Variants in GRID2 observed in about 807,000 individuals in gnomAD.
GRID2 encodes glutamate receptor ionotropic, delta-2.
In GRID2, 33 loss-of-function variants were observed where a neutral mutation model predicts 114.8. That is an observed-to-expected ratio of 0.29 (90% CI 0.22 to 0.38). GRID2 has a LOEUF of 0.38. Ranked by LOEUF, GRID2 falls within the 10% of genes least tolerant of loss-of-function variation. The pLI is 1.00. For synonymous variants in GRID2, 505 were observed against 449.9 expected, an observed-to-expected ratio of 1.12 and a Z score of -1.55; for missense variants, 1,184 against 1,257.7, an observed-to-expected ratio of 0.94 and a Z score of 0.89.
At chr4:93,221,998 G>C (rs117506019) in intron 6 of GRID2, among the ~76,000 whole-genome samples, 1 of 152,146 alleles carries the variant, frequency 6.6e-6, no homozygotes, top group South Asian at 2.1e-4. Context: ...CAGATTTTTC[G>C]TGTCTCAACG....
chr4:92,311,841 C>A (rs1428338910), intron 1 of GRID2, among the ~76,000 whole-genome samples: 1 of 151,904 alleles, frequency 6.6e-6, no homozygotes, highest in Non-Finnish European at 1.5e-5. Flanking sequence ...TGCTTTTAGT[C>A]TCTAAAATTA....
intron 1 of GRID2, among the ~76,000 whole-genome samples, chr4:92,510,196 T>A (rs1724176640): frequency 6.6e-6 from 1 of 151,886 alleles, no homozygotes; most frequent in African/African-American, 2.4e-5. Flanking sequence ...AGTCAGAATC[T>A]ATAGAACTTT....
intron 8 of GRID2, among the ~76,000 whole-genome samples, chr4:93,331,534 G>A (rs960027513): frequency 6.6e-6 from 1 of 151,844 alleles, no homozygotes; most frequent in African/African-American, 2.4e-5. Context: ...TTTGTTATGT[G>A]TATTATCTGG....
At chr4:92,350,603 C>T (rs934877138) in intron 1 of GRID2, among the ~76,000 whole-genome samples, 1 of 151,662 alleles carries the variant, frequency 6.6e-6, no homozygotes, top group Non-Finnish European at 1.5e-5. Flanking sequence ...AAATTTCCTT[C>T]CTTCTTCCCT....
intron 1 of GRID2, among the ~76,000 whole-genome samples, chr4:93,804,349 T>C (rs879472728): frequency 8.5e-5 from 13 of 152,182 alleles, no homozygotes; most frequent in Non-Finnish European, 1.5e-4. Context: ...TATCCTCACC[T>C]AAACCTAGAT....
intron 2 of GRID2, among the ~76,000 whole-genome samples, chr4:92,677,735 T>A (rs2149281569): frequency 6.6e-6 from 1 of 152,258 alleles, no homozygotes; most frequent in South Asian, 2.1e-4. Flanking sequence ...TTTTCTATTA[T>A]CCAGGATTAG....
intron 2 of GRID2, among the ~76,000 whole-genome samples, chr4:92,842,346 C>A (rs1035533967): frequency 6.6e-6 from 1 of 152,036 alleles, no homozygotes; most frequent in Admixed American, 6.6e-5. Flanking sequence ...TAGGAGAGAA[C>A]AAAAACCAAG....
At chr4:92,879,346 A>T (rs182698645) in intron 2 of GRID2, among the ~76,000 whole-genome samples, 8 of 152,326 alleles carry the variant, frequency 5.3e-5, no homozygotes, top group Non-Finnish European at 7.4e-5. Flanking sequence ...GTACTTCTTC[A>T]TAGGCATCAG....
intron 13 of GRID2, among the ~76,000 whole-genome samples, chr4:93,559,455 G>A (rs914798738): frequency 1.3e-5 from 2 of 152,166 alleles, no homozygotes; most frequent in Non-Finnish European, 1.5e-5. Flanking sequence ...AGACATTTAT[G>A]TGGACAACAA....
At chr4:93,341,804 A>G (rs150278781) in intron 8 of GRID2, among the ~76,000 whole-genome samples, 39 of 152,304 alleles carry the variant, frequency 2.6e-4, no homozygotes, top group African/African-American at 9.4e-4. Context: ...TTTCTCTATC[A>G]TGAAGTGAGA....
chr4:93,126,071 A>G (rs1013201244), intron 4 of GRID2, among the ~76,000 whole-genome samples: 2 of 152,212 alleles, frequency 1.3e-5, no homozygotes, highest in Non-Finnish European at 2.9e-5. Flanking sequence ...ACATCTCTTC[A>G]TATATCATTC....
At chr4:93,652,643 ATACATTTTT>A (rs1196036214) in intron 14 of GRID2, among the ~76,000 whole-genome samples, 1 of 152,006 alleles carries the variant, frequency 6.6e-6, no homozygotes, top group African/African-American at 2.4e-5. Context: ...TCACCTAAAG[ATACATTTTT>A]CAGAACACAT....
rs546903197 is a variant in GRID2 at position 93,029,884 on chromosome 4, A to G, written c.245-55111A>G. On this transcript the variant is annotated intron_variant, in intron 2 of 15. Transcript: ENST00000282020. ...TTACTGGGAGAGTGTGATAAAAATA[A>G]ACATGCTTTATTCATGTGCCAGGCT... Among the ~76,000 whole-genome samples, 304 of 152,322 alleles carry G rather than the reference A, an allele frequency of 2.0e-3. 3 individuals are homozygous for G. The highest frequency in any genetic ancestry group is 7.1e-3 in the African/African-American group (296 of 41,576).
At chr4:92,543,876 T>C (rs1341391371) in intron 1 of GRID2, among the ~76,000 whole-genome samples, 1 of 152,142 alleles carries the variant, frequency 6.6e-6, no homozygotes, top group African/African-American at 2.4e-5. Context: ...GAGGGAAGCT[T>C]AATAATTTTG....
At chr4:93,597,372 C>T (rs892796094) in intron 13 of GRID2, among the ~76,000 whole-genome samples, 5 of 152,076 alleles carry the variant, frequency 3.3e-5, no homozygotes, top group African/African-American at 4.8e-5. Context: ...TCTACAGCTC[C>T]GAAACATCAT....
intron 4 of GRID2, among the ~76,000 whole-genome samples, chr4:93,179,784 AAAC>A (rs2149433874): frequency 6.6e-6 from 1 of 152,270 alleles, no homozygotes; most frequent in East Asian, 1.9e-4. Context: ...ATTTATTCTC[AAAC>A]AACACTACTA....
chr4:93,477,903 G>A (rs1012842501), intron 11 of GRID2, among the ~76,000 whole-genome samples: 15 of 152,024 alleles, frequency 9.9e-5, no homozygotes, highest in African/African-American at 3.4e-4. Flanking sequence ...ATCAATTTGC[G>A]GTGGGGAATT....
chr4:92,738,509 G>T (rs892794090), intron 2 of GRID2, among the ~76,000 whole-genome samples: 2 of 152,040 alleles, frequency 1.3e-5, no homozygotes, highest in African/African-American at 4.8e-5. Flanking sequence ...AATGGATGTA[G>T]TCTGAATGTA....
At chr4:92,444,589 C>T (rs1364075521) in intron 1 of GRID2, among the ~76,000 whole-genome samples, 1 of 152,116 alleles carries the variant, frequency 6.6e-6, no homozygotes, top group Non-Finnish European at 1.5e-5. Flanking sequence ...TACTTTAGGC[C>T]ATCTGGGAGT....
Sources: allele counts gnomAD v4.1 joint callset (sites outside exome capture counted in the v4.1 genomes callset), GRCh38; gene constraint gnomAD v4.1.1; transcripts MANE v1.5; gene names NCBI Gene and HGNC (gene_info 2026-07-23, HGNC 2026-07-21).